Variants in PLD5 observed in about 807,000 individuals in gnomAD.
The protein encoded by PLD5 is inactive phospholipase D5.
Under a neutral mutation model 61.1 loss-of-function variants are expected in PLD5, and 36 were observed. The observed-to-expected ratio is 0.59, with a 90% CI of 0.45 to 0.78. The LOEUF (loss-of-function observed/expected upper bound fraction) is 0.78, where lower values mean the gene tolerates loss of function less well. Among genes scored for constraint, PLD5 ranks in the 30% least tolerant of loss-of-function variants. PLD5 has a pLI of 0.00. For synonymous variants in PLD5, 243 were observed against 242.8 expected (o/e 1.00, Z -0.01); for missense variants, 515 against 644.4 (o/e 0.80, Z 2.17).
At chr1:242,136,247 T>C (rs1424166275) in intron 5 of PLD5, among the ~76,000 whole-genome samples, 1 of 152,224 alleles carries the variant, frequency 6.6e-6, no homozygotes, top group Non-Finnish European at 1.5e-5. Context: ...CATTCTCCTA[T>C]GGCTGTTCCC....
intron 5 of PLD5, among the ~76,000 whole-genome samples, chr1:242,165,328 T>C (rs1223181253): frequency 1.3e-5 from 2 of 152,114 alleles, no homozygotes; most frequent in South Asian, 2.1e-4. Flanking sequence ...TTATAACTTT[T>C]ATTTATGGGA....
chr1:242,394,968 ATT>A (rs1491524008), intron 1 of PLD5, among the ~76,000 whole-genome samples: 1 of 66,668 alleles, frequency 1.5e-5, no homozygotes, highest in African/African-American at 5.1e-5. Flanking sequence ...AATATATATG[ATT>A]ATATATGAAT....
At chr1:242,152,301 T>C (rs1664989466) in intron 5 of PLD5, among the ~76,000 whole-genome samples, 1 of 152,092 alleles carries the variant, frequency 6.6e-6, no homozygotes, top group African/African-American at 2.4e-5. Context: ...CTCTCCCAGT[T>C]TTAAGAACCC....
intron 4 of PLD5, among the ~76,000 whole-genome samples, chr1:242,226,166 T>C (rs1670928253): frequency 6.6e-6 from 1 of 152,236 alleles, no homozygotes; most frequent in Admixed American, 6.5e-5. Context: ...ATATTAAGTA[T>C]GATTAACCAT....
upstream of PLD5, among the ~76,000 whole-genome samples, chr1:242,529,201 A>T (rs1669502967): frequency 6.6e-6 from 1 of 152,268 alleles, no homozygotes; most frequent in Non-Finnish European, 1.5e-5. Context: ...TGAAGAATAC[A>T]TAAGCATTAA....
At chr1:242,445,705 A>G (rs1450543168) in intron 1 of PLD5, among the ~76,000 whole-genome samples, 1 of 151,002 alleles carries the variant, frequency 6.6e-6, no homozygotes, top group East Asian at 1.9e-4. Context: ...GAACAGACTA[A>G]GACAGGTGGC....
chr1:242,333,164 G>A lies in PLD5; in HGVS notation c.326+14942C>T, dbSNP rs562608338. ...GGTTGTCAAAAGATGGAGCTGTTCA[G>A]GCAGCAGGGGACTTGACTGTCAGGA... is the stretch of plus-strand genomic sequence containing the variant. On this transcript the variant is annotated intron_variant, in intron 2 of 9. Coordinates refer to ENST00000536534, the MANE Select transcript of PLD5 (RefSeq NM_001372062.1). 5.9e-5 allele frequency among the ~76,000 whole-genome samples: 9 copies of A among 152,298 alleles called. No homozygotes were observed. The South Asian group carries it at 1.9e-3, about 32-fold the overall frequency.
intron 1 of PLD5, among the ~76,000 whole-genome samples, chr1:242,510,164 G>A (rs1668858131): frequency 6.6e-6 from 1 of 151,956 alleles, no homozygotes; most frequent in African/African-American, 2.4e-5. Flanking sequence ...GCTCATGATG[G>A]CTGACTATAG....
At chr1:242,349,489 TA>T (rs1660352243) in intron 1 of PLD5, among the ~76,000 whole-genome samples, 1 of 152,188 alleles carries the variant, frequency 6.6e-6, no homozygotes, top group African/African-American at 2.4e-5. Context: ...TTTCGAATTT[TA>T]TTTTTGGTTT....
At chr1:242,490,799 G>C (rs894828303) in intron 1 of PLD5, among the ~76,000 whole-genome samples, 2 of 152,136 alleles carry the variant, frequency 1.3e-5, no homozygotes, top group African/African-American at 2.4e-5. Context: ...TTCTCAGACT[G>C]TGATGCTCCC....
chr1:242,249,101 G>A (rs1672560496), intron 4 of PLD5, among the ~76,000 whole-genome samples: 1 of 152,214 alleles, frequency 6.6e-6, no homozygotes, highest in South Asian at 2.1e-4. Flanking sequence ...GGGCAACAGA[G>A]TGAGACTCTG....
At chr1:242,321,678 G>A (rs1427491377) in intron 2 of PLD5, among the ~76,000 whole-genome samples, 1 of 151,958 alleles carries the variant, frequency 6.6e-6, no homozygotes, top group Non-Finnish European at 1.5e-5. Context: ...AACCTGTTCT[G>A]CCATCATTAC....
chr1:242,352,122 T>A (rs1299568905), intron 1 of PLD5, among the ~76,000 whole-genome samples: 1 of 152,192 alleles, frequency 6.6e-6, no homozygotes, highest in Non-Finnish European at 1.5e-5. Context: ...TTATCTATAT[T>A]CACTATGCTA....
intron 4 of PLD5, among the ~76,000 whole-genome samples, chr1:242,227,031 C>T (rs1670995758): frequency 6.6e-6 from 1 of 152,140 alleles, no homozygotes; most frequent in Non-Finnish European, 1.5e-5. Flanking sequence ...TATGTACACA[C>T]ATTTTAAAAG....
chr1:242,479,735 C>G (rs1667708376), intron 1 of PLD5, among the ~76,000 whole-genome samples: 1 of 151,922 alleles, frequency 6.6e-6, no homozygotes, highest in South Asian at 2.1e-4. Context: ...AGGATGAGGA[C>G]CATAGATAGA....
At chr1:242,425,533 T>G (rs931887883) in intron 1 of PLD5, among the ~76,000 whole-genome samples, 1 of 152,192 alleles carries the variant, frequency 6.6e-6, no homozygotes, top group Admixed American at 6.5e-5. Flanking sequence ...AGGATATTAC[T>G]GTATACTACT....
At chr1:242,345,379 G>T (rs3905161) in intron 2 of PLD5, among the ~76,000 whole-genome samples, 144,666 of 152,266 alleles carry the variant, frequency 0.95, 68,986 homozygotes, top group Non-Finnish European at 0.99. Context: ...TGGAAATGGA[G>T]TTGCTTGCTG....
chr1:242,097,385 A>G (rs1660330483), intron 9 of PLD5, among the ~76,000 whole-genome samples: 2 of 152,056 alleles, frequency 1.3e-5, no homozygotes, highest in African/African-American at 4.8e-5. Context: ...AAGTGTTCCT[A>G]TTTCTCCACA....
At chr1:242,367,949 A>G (rs1427178154) in intron 1 of PLD5, among the ~76,000 whole-genome samples, 1 of 152,184 alleles carries the variant, frequency 6.6e-6, no homozygotes, top group East Asian at 1.9e-4. Context: ...AAGTAAATTT[A>G]TGTTCTTGAT....
Sources: allele counts gnomAD v4.1 joint callset (sites outside exome capture counted in the v4.1 genomes callset), GRCh38; gene constraint gnomAD v4.1.1; transcripts MANE v1.5; gene names NCBI Gene and HGNC (gene_info 2026-07-23, HGNC 2026-07-21).